Variants in IGFBP4 observed in about 807,000 individuals in gnomAD.
IGFBP4 encodes insulin like growth factor binding protein 4, also known as insulin-like growth factor-binding protein 4.
IGFBP4 carries 9 observed loss-of-function variants against 25.8 expected under a neutral mutation model. That is an observed-to-expected ratio of 0.35 (90% CI 0.21 to 0.61). The LOEUF is 0.61. Ranked by LOEUF, IGFBP4 falls within the 20% of genes least tolerant of loss-of-function variation. The probability of loss-of-function intolerance (pLI) is 0.77; values close to 1 mark genes in which losing one functional copy is unlikely to be tolerated. For synonymous variants in IGFBP4, 153 were observed against 153.9 expected (o/e 0.99, Z 0.05); for missense variants, 315 against 365.3 (o/e 0.86, Z 1.12).
intron 1 of IGFBP4, among the ~76,000 whole-genome samples, chr17:40,449,698 G>A (rs1162601875): frequency 1.3e-5 from 2 of 151,346 alleles, no homozygotes; most frequent in South Asian, 4.1e-4. Context: ...GCATTGAGCC[G>A]AGATCGCGCC....
rs1001165794 is a variant in IGFBP4, at chr17:40,456,879, C to T, written c.*296C>T. The stretch of plus-strand genomic sequence containing the variant: ...TCTGAGCCCTGGTGTGTTTCCAGAT[C>T]GATCCTGGATTCACTCACTCACTCA... On this transcript the variant is annotated 3_prime_UTR_variant, in exon 4 of 4. Coordinates refer to ENST00000269593, the MANE Select transcript of IGFBP4 (RefSeq NM_001552.3). 1 of 399,746 alleles carries T rather than the reference C, an allele frequency of 2.5e-6. No individual in the cohort carries two copies. Among genetic ancestry groups the T allele is most frequent in the Non-Finnish European group, 4.5e-6 (1 of 224,054 alleles). The allele number at this position is 399,746 out of a possible 1,614,324, so 24.8% of individuals were successfully genotyped here.
chr17:40,450,066 G>C (rs533707365), intron 1 of IGFBP4, among the ~76,000 whole-genome samples: 104 of 152,272 alleles, frequency 6.8e-4, no homozygotes, highest in Non-Finnish European at 1.2e-3. Context: ...AGAGTGCAGT[G>C]GTGTGATCAC....
rs770488097 is a variant in IGFBP4 at position 40,456,716 on chromosome 17, C to T, written c.*133C>T. On this transcript the variant is annotated 3_prime_UTR_variant, in exon 4 of 4. Transcript: ENST00000269593. ...GGCCCAGAAGTTTCCCTCAAATGCG[C>T]GTGTGCACGTGTGCGTGTGCGTGCG... 25 of 808,078 alleles carry T rather than the reference C, an allele frequency of 3.1e-5. No homozygotes were observed. The highest frequency in any genetic ancestry group is 3.8e-5 in the Non-Finnish European group (20 of 521,024). The allele number at this position is 808,078 out of a possible 1,614,324, so 50.1% of individuals were successfully genotyped here.
chr17:40,443,915 C>G lies in IGFBP4; in HGVS notation c.180C>G (p.Ala60=). ...EPGCGCCATC[A]LGLGMPCGVY... is the part of the protein sequence containing the mutation. The stretch of plus-strand genomic sequence containing the variant: ...GCTGCGGCTGTTGCGCCACTTGCGC[C>G]CTGGGCTTGGGGATGCCCTGCGGGG... The change falls in exon 1 of 4, where the codon GCC becomes GCG. Residue 60 remains alanine, a synonymous_variant. Transcript: ENST00000269593. 6.5e-7 allele frequency: 1 copy of G among 1,530,866 alleles called. No homozygotes were observed. The highest frequency in any genetic ancestry group is 8.7e-7 in the Non-Finnish European group (1 of 1,143,986). 94.8% of individuals were successfully genotyped at this position (1,530,866 alleles called of 1,614,324 possible).
At chr17:40,451,432 T>C (rs2035681609) in intron 1 of IGFBP4, among the ~76,000 whole-genome samples, 1 of 151,994 alleles carries the variant, frequency 6.6e-6, no homozygotes. Flanking sequence ...TATCCACATA[T>C]TTCTCCCCAC....
chr17:40,450,666 T>C (rs1256773347), intron 1 of IGFBP4, among the ~76,000 whole-genome samples: 1 of 152,004 alleles, frequency 6.6e-6, no homozygotes, highest in Non-Finnish European at 1.5e-5. Context: ...GTCTTCTAAG[T>C]TAGGACCACA....
intron 1 of IGFBP4, among the ~76,000 whole-genome samples, chr17:40,446,547 T>C (rs1277787515): frequency 2.0e-5 from 3 of 151,640 alleles, no homozygotes; most frequent in Admixed American, 1.3e-4. Context: ...ACCCGGGAGG[T>C]GGAGGTTGCA....
rs2035721380 is a variant in IGFBP4 at position 40,457,384 on chromosome 17, G to C, written c.*801G>C. 6.6e-6 allele frequency: 1 copy of C among 152,180 alleles called. No individual in the cohort carries two copies. 9.4% of individuals were successfully genotyped at this position (152,180 alleles called of 1,614,324 possible). On this transcript the variant is annotated 3_prime_UTR_variant, in exon 4 of 4. Coordinates refer to ENST00000269593, the MANE Select transcript of IGFBP4 (RefSeq NM_001552.3). Reference sequence around the variant, plus strand: ...GGGGTACATTTCTCTGAGCAGTCAGGGTGGGAAGAAAGAATGCAAGAGTGG... The same window carrying C: ...GGGGTACATTTCTCTGAGCAGTCAGCGTGGGAAGAAAGAATGCAAGAGTGG...
intron 1 of IGFBP4, among the ~76,000 whole-genome samples, chr17:40,449,763 GGA>G (rs764526619): frequency 6.0e-5 from 9 of 149,760 alleles, no homozygotes; most frequent in African/African-American, 1.5e-4. Context: ...AAAAAAAAAA[GGA>G]GAGAGAGAGA....
chr17:40,448,917 T>G (rs1046415863), intron 1 of IGFBP4, among the ~76,000 whole-genome samples: 1 of 152,188 alleles, frequency 6.6e-6, no homozygotes, highest in African/African-American at 2.4e-5. Context: ...GATGAATGTG[T>G]GTCTGGACAC....
chr17:40,456,347 G>T, intron 3 of IGFBP4, 102 bp from the exon 4 acceptor site: 1 of 1,233,708 alleles, frequency 8.1e-7, no homozygotes, highest in South Asian at 1.3e-5. Flanking sequence ...TTGAAGCAGC[G>T]ACCGTCTGAC....
intron 1 of IGFBP4, among the ~76,000 whole-genome samples, chr17:40,444,884 A>AAACACAC (rs2035632490): frequency 3.0e-4 from 24 of 80,340 alleles, no homozygotes; most frequent in African/African-American, 8.4e-4. Context: ...GAGAGAGAGA[A>AAACACAC]ACACACACAC....
chr17:40,449,704 G>A (rs1348844121), intron 1 of IGFBP4, among the ~76,000 whole-genome samples: 2 of 151,518 alleles, frequency 1.3e-5, no homozygotes, highest in Non-Finnish European at 2.9e-5. Context: ...AGCCGAGATC[G>A]CGCCACTGCA....
chr17:40,449,760 AAAGG>A (rs887478269), intron 1 of IGFBP4, among the ~76,000 whole-genome samples: 6 of 151,830 alleles, frequency 4.0e-5, no homozygotes, highest in African/African-American at 1.2e-4. Context: ...AAAAAAAAAA[AAAGG>A]AGAGAGAGAG....
intron 1 of IGFBP4, among the ~76,000 whole-genome samples, chr17:40,447,281 A>G (rs1313035304): frequency 6.6e-6 from 1 of 152,158 alleles, no homozygotes; most frequent in Admixed American, 6.5e-5. Context: ...GCTTAACACC[A>G]CTGAGGCCAC....
chr17:40,447,047 C>T (rs1210508565), intron 1 of IGFBP4, among the ~76,000 whole-genome samples: 1 of 152,238 alleles, frequency 6.6e-6, no homozygotes, highest in South Asian at 2.1e-4. Flanking sequence ...CACTGGCCCG[C>T]GAATAGCTTG....
At chr17:40,449,776 GAA>G (rs897295387) in intron 1 of IGFBP4, among the ~76,000 whole-genome samples, 3 of 151,354 alleles carry the variant, frequency 2.0e-5, no homozygotes, top group African/African-American at 7.3e-5. Context: ...GAGAGAGAGA[GAA>G]AAAGAAACTC....
intron 1 of IGFBP4, among the ~76,000 whole-genome samples, chr17:40,447,151 T>C (rs2035652609): frequency 6.6e-6 from 1 of 152,202 alleles, no homozygotes; most frequent in South Asian, 2.1e-4. Flanking sequence ...CATGCCCCCT[T>C]CTTTGGCTGC....
intron 1 of IGFBP4, among the ~76,000 whole-genome samples, chr17:40,444,956 G>C (rs200991706): frequency 0.16 from 23,388 of 147,296 alleles, 2,418 homozygotes; most frequent in Non-Finnish European, 0.2. Context: ...GAGAGAGAGA[G>C]AGAGAGAGAG....
Sources: gnomAD v4.1 joint callset for allele counts (sites outside exome capture counted in the v4.1 genomes callset) on GRCh38, gnomAD v4.1.1 for gene constraint, MANE v1.5 for transcripts, NCBI Gene and HGNC (gene_info 2026-07-23, HGNC 2026-07-21) for gene names.